UTP4: variants seen among roughly 807,000 people sequenced by gnomAD.
The protein encoded by UTP4 is U3 small nucleolar RNA-associated protein 4 homolog.
In UTP4, 45 loss-of-function variants were observed where a neutral mutation model predicts 82.4. The ratio of observed to expected loss-of-function variants is 0.55; its 90% CI spans 0.43 to 0.70. The LOEUF (loss-of-function observed/expected upper bound fraction) is 0.70. Ranked by LOEUF, UTP4 falls within the 30% of genes least tolerant of loss-of-function variation. The probability of loss-of-function intolerance (pLI) is 0.00; values close to 1 mark genes in which losing one functional copy is unlikely to be tolerated. For synonymous variants in UTP4, 348 were observed against 300.3 expected (o/e 1.16, Z -1.64); for missense variants, 819 against 858.3 (o/e 0.95, Z 0.57).
chr16:69,165,476 C>G lies in UTP4; in HGVS notation c.1783C>G (p.His595Asp). 1 of 1,614,096 alleles carries G rather than the reference C, an allele frequency of 6.2e-7. No individual in the cohort carries two copies. Among genetic ancestry groups the G allele is most frequent in the South Asian group, 1.1e-5 (1 of 91,086 alleles). ...HISFHPKRPMHILLHDAYMFC... is the reference protein window; with the variant it reads ...HISFHPKRPMDILLHDAYMFC... ...CAGTTTTCATCCCAAGAGACCGATG[C>G]ACATCCTTCTCCATGATGCCTACAT... Residue 595 changes from histidine to aspartate, a missense_variant, in exon 15 of 17, where the codon CAC (histidine) becomes GAC (aspartate). His to Asp is a moderately conservative substitution (Grantham distance 81). Transcript: ENST00000314423.
intron 12 of UTP4, among the ~76,000 whole-genome samples, chr16:69,158,863 T>A (rs1963492651): frequency 6.6e-6 from 1 of 152,120 alleles, no homozygotes; most frequent in South Asian, 2.1e-4. Context: ...GCAGCACGCA[T>A]TTTGGCATAG....
At chr16:69,135,902 G>T (rs906026805) in intron 2 of UTP4, among the ~76,000 whole-genome samples, 2 of 152,150 alleles carry the variant, frequency 1.3e-5, no homozygotes, top group Non-Finnish European at 2.9e-5. Context: ...GGTGGCACAT[G>T]CCTGTAATCC....
rs1308048810 is a variant in UTP4 at position 69,153,005 on chromosome 16, C to G, written c.1003-579C>G. On this transcript the variant is annotated intron_variant, in intron 8 of 16. Transcript: ENST00000314423. ...ATCCCTGTTGGCTTCAGCATAAAGA[C>G]AGTTTCCTTAGTGTGTCTTATAGAA... Among the ~76,000 whole-genome samples, 11 of 152,178 alleles carry G rather than the reference C, an allele frequency of 7.2e-5. 1 individual carries two copies. Among genetic ancestry groups the G allele is most frequent in the Non-Finnish European group, 7.3e-5 (5 of 68,036 alleles).
In UTP4 at chr16:69,163,204, T is replaced by G. The variant is rs201290941; in HGVS notation, c.1647+26T>G. ...GTAAGGGAGATTCCAGTGCTTTCTA[T>G]TCCCTTCCTGCTGGATAGTAACCTA... On this transcript the variant is annotated intron_variant, in intron 14 of 16. Transcript: ENST00000314423. The G allele has an allele frequency of 1.6e-3, 2,459 of 1,551,998 alleles. 2 individuals are homozygous for G. Among genetic ancestry groups the G allele is most frequent in the Non-Finnish European group, 1.8e-3 (2,065 of 1,123,388 alleles).
chr16:69,139,458 G>A (rs1035134612), intron 4 of UTP4, among the ~76,000 whole-genome samples: 3 of 151,098 alleles, frequency 2.0e-5, no homozygotes, highest in African/African-American at 7.3e-5. Context: ...GGCCAACATG[G>A]TGAAACCCCA....
chr16:69,153,869 G>A (rs1377640132), intron 9 of UTP4, among the ~76,000 whole-genome samples, 189 bp downstream of exon 9: 2 of 152,020 alleles, frequency 1.3e-5, no homozygotes, highest in African/African-American at 2.4e-5. Flanking sequence ...GCAGGATATT[G>A]GATCATCTCT....
chr16:69,163,465 A>T (rs1488455632), intron 14 of UTP4, among the ~76,000 whole-genome samples: 1 of 152,134 alleles, frequency 6.6e-6, no homozygotes, highest in Non-Finnish European at 1.5e-5. Flanking sequence ...ATTGTTTTAG[A>T]GGAGAGATGA....
intron 8 of UTP4, among the ~76,000 whole-genome samples, chr16:69,152,883 C>T (rs947076183): frequency 1.3e-5 from 2 of 152,128 alleles, no homozygotes; most frequent in Admixed American, 1.3e-4. Context: ...CTCAGCCTCT[C>T]GATTGCTGGC....
chr16:69,162,454 A>G (rs1963588014), intron 13 of UTP4, among the ~76,000 whole-genome samples: 1 of 151,262 alleles, frequency 6.6e-6, no homozygotes, highest in Non-Finnish European at 1.5e-5. Context: ...GTTCACGCCT[A>G]TAATCCCAAC....
At position 69,136,785 on chromosome 16, in the gene UTP4, T is replaced by G. The variant is rs761479023; in HGVS notation, c.249T>G (p.Ile83Met). 6.2e-7 allele frequency: 1 copy of G among 1,613,974 alleles called. No individual in the cohort carries two copies. The highest frequency in any genetic ancestry group is 2.2e-5 in the East Asian group (1 of 44,896). The part of the protein sequence containing the change: ...RLFSAGLNGE[I>M]MEYDLQALNI... ...TTAGTGCTGGGCTCAATGGCGAGAT[T>G]ATGGAGTATGATTTACAGGCGTTAA... The change falls in exon 3 of 17, where the codon ATT (isoleucine) becomes ATG (methionine). Residue 83 changes from isoleucine to methionine, a missense_variant. Transcript: ENST00000314423.
At position 69,145,535 on chromosome 16, in the gene UTP4, G is replaced by A. The variant is rs571020596; in HGVS notation, c.738+2146G>A. ...CCCAAAGTGCTGAAAATACAGGCAT[G>A]AGCCACCGCCCCTGGCTTTTTCTTT... On this transcript the variant is annotated intron_variant, in intron 6 of 16. Coordinates refer to ENST00000314423, the MANE Select transcript of UTP4 (RefSeq NM_032830.3). Among the ~76,000 whole-genome samples, 333 of 151,980 alleles carry A rather than the reference G, an allele frequency of 2.2e-3. 3 individuals carry two copies. Among genetic ancestry groups the A allele is most frequent in the Non-Finnish European group, 4.0e-3 (270 of 67,986 alleles).
intron 1 of UTP4, 40 bp downstream of exon 1, chr16:69,132,729 TG>T (rs772219835): frequency 7.1e-4 from 175 of 247,884 alleles, no homozygotes; most frequent in Non-Finnish European, 1.1e-3. Context: ...CTGCGAGAGC[TG>T]GGGGGGTCTT....
chr16:69,138,111 T>C, intron 4 of UTP4: 1 of 543,168 alleles, frequency 1.8e-6, no homozygotes, highest in Non-Finnish European at 3.3e-6. Context: ...AATCCAAAAT[T>C]GGAAAGCTAG....
rs761996293 is a variant in UTP4 at position 69,168,865 on chromosome 16, A to G, written c.1989A>G (p.Ala663=). The G allele has an allele frequency of 1.2e-6, 2 of 1,613,956 alleles. No homozygotes were observed. Among genetic ancestry groups the G allele is most frequent in the Middle Eastern group, 1.6e-4 (1 of 6,084 alleles). ...MDLLDERTLV[A]VERPLDDIIA... ...TTTTGGATGAAAGAACACTCGTGGCAGTAGAACGGCCTCTGGATGACATCA... is the reference window on the plus strand; with the variant it reads ...TTTTGGATGAAAGAACACTCGTGGCGGTAGAACGGCCTCTGGATGACATCA... The change falls in exon 17 of 17, where the codon GCA becomes GCG. Residue 663 remains alanine (A), a synonymous_variant. Transcript: ENST00000314423.
At chr16:69,137,727 G>A in intron 3 of UTP4, 74 bp from the exon 4 acceptor site, 1 of 804,080 alleles carries the variant, frequency 1.2e-6, no homozygotes, top group South Asian at 1.4e-5. Context: ...TGTGTTGGGG[G>A]GTGTGTGTGT....
chr16:69,165,297 T>A, intron 14 of UTP4, 44 bp from the exon 15 acceptor site: 1 of 1,571,618 alleles, frequency 6.4e-7, no homozygotes, highest in Non-Finnish European at 8.8e-7. Flanking sequence ...TTCTGGTCTT[T>A]CTGAGTACCA....
chr16:69,144,933 G>A (rs1963067321), intron 6 of UTP4, among the ~76,000 whole-genome samples: 1 of 152,136 alleles, frequency 6.6e-6, no homozygotes, highest in African/African-American at 2.4e-5. Flanking sequence ...CCTGAGGTCA[G>A]GAGTTCAAGA....
chr16:69,150,936 C>A, intron 8 of UTP4, 32 bp downstream of exon 8: 1 of 1,495,382 alleles, frequency 6.7e-7, no homozygotes. Context: ...CTGCTAACCC[C>A]TCATCTCCCC....
At chr16:69,137,720 G>A (rs926292225) in intron 3 of UTP4, 81 bp from the exon 4 acceptor site, 10 of 807,728 alleles carry the variant, frequency 1.2e-5, no homozygotes, top group African/African-American at 1.2e-4. Context: ...GAGAGTGTGT[G>A]TTGGGGGGTG....
Sources: allele counts gnomAD v4.1 joint callset (sites outside exome capture counted in the v4.1 genomes callset), GRCh38; gene constraint gnomAD v4.1.1; transcripts MANE v1.5; gene names NCBI Gene and HGNC (gene_info 2026-07-23, HGNC 2026-07-21).